Variants in SNRPN observed in about 807,000 individuals in gnomAD.
The protein encoded by SNRPN is small nuclear ribonucleoprotein polypeptide N, also known as small nuclear ribonucleoprotein-associated protein N.
SNRPN carries 7 observed loss-of-function variants against 25.2 expected under a neutral mutation model. The ratio of observed to expected loss-of-function variants is 0.28; its 90% CI spans 0.16 to 0.52. The LOEUF is 0.52. Among genes scored for constraint, SNRPN ranks in the 20% least tolerant of loss-of-function variants. The probability of loss-of-function intolerance (pLI) is 0.96; values close to 1 mark genes in which losing one functional copy is unlikely to be tolerated. For synonymous variants in SNRPN, 124 were observed against 110.6 expected (o/e 1.12, Z -0.76); for missense variants, 196 against 322.5 (o/e 0.61, Z 3.00).
intron 4 of SNRPN, chr15:24,975,096 A>G (rs928054325): frequency 4.7e-6 from 3 of 643,232 alleles, no homozygotes; most frequent in Middle Eastern, 2.5e-4. Flanking sequence ...GACAGTTTAG[A>G]GCATGCATCG....
chr15:24,966,565 T>C (rs1288361951), intron 2 of SNRPN, among the ~76,000 whole-genome samples: 3 of 152,168 alleles, frequency 2.0e-5, no homozygotes. Flanking sequence ...TTTGATCTTT[T>C]GTGGCCTGGT....
chr15:24,865,335 C>A (rs2054472769), intron 1 of SNRPN, among the ~76,000 whole-genome samples: 1 of 152,170 alleles, frequency 6.6e-6, no homozygotes, highest in Admixed American at 6.5e-5. Context: ...GTGTGAGCCA[C>A]CACGCCCAGC....
At chr15:24,946,704 A>T (rs548143564) in intron 3 of SNRPN, among the ~76,000 whole-genome samples, 28 of 152,374 alleles carry the variant, frequency 1.8e-4, no homozygotes, top group African/African-American at 6.7e-4. Context: ...TCCAAGGCTC[A>T]GGTGATCCCT....
chr15:24,921,844 A>G (rs1430769188), intron 3 of SNRPN, among the ~76,000 whole-genome samples: 2 of 152,244 alleles, frequency 1.3e-5, no homozygotes, highest in South Asian at 4.2e-4. Flanking sequence ...TTGAGTACTT[A>G]TTCTGTATCA....
At chr15:24,865,486 T>TA (rs2054490958) in intron 1 of SNRPN, among the ~76,000 whole-genome samples, 1 of 152,196 alleles carries the variant, frequency 6.6e-6, no homozygotes, top group African/African-American at 2.4e-5. Flanking sequence ...AGGAGAAAGT[T>TA]ACTGAAATCA....
At chr15:24,826,647 A>G (rs971304131) in intron 1 of SNRPN, among the ~76,000 whole-genome samples, 3 of 152,100 alleles carry the variant, frequency 2.0e-5, no homozygotes, top group African/African-American at 7.3e-5. Context: ...AGAAAAACCT[A>G]TGATTTAATG....
At chr15:24,935,309 G>T (rs1479596323) in intron 3 of SNRPN, among the ~76,000 whole-genome samples, 1 of 152,040 alleles carries the variant, frequency 6.6e-6, no homozygotes, top group African/African-American at 2.4e-5. Flanking sequence ...TAATAGGTGA[G>T]ATCATATGAA....
chr15:24,889,943 A>G (rs6576391), intron 2 of SNRPN, among the ~76,000 whole-genome samples: 86,067 of 150,530 alleles, frequency 0.57, 24,953 homozygotes, highest in East Asian at 0.67. Context: ...CCAGCTACTC[A>G]GGAGACTGAG....
intron 1 of SNRPN, among the ~76,000 whole-genome samples, chr15:24,957,593 T>C (rs1425021043): frequency 6.6e-6 from 1 of 152,218 alleles, no homozygotes; most frequent in Non-Finnish European, 1.5e-5. Context: ...CTATCATAAC[T>C]GGTATGTCTG....
At chr15:24,854,252 CAGTT>C (rs148976673), upstream of SNRPN, among the ~76,000 whole-genome samples, 5,212 of 152,258 alleles carry the variant, frequency 0.034, 211 homozygotes, top group African/African-American at 0.1. Context: ...GCTACAGTGG[CAGTT>C]AGTTTCCACT....
At chr15:24,879,246 G>A (rs534084750) in intron 1 of SNRPN, among the ~76,000 whole-genome samples, 17 of 152,104 alleles carry the variant, frequency 1.1e-4, no homozygotes, top group Non-Finnish European at 1.9e-4. Context: ...ACCAGCCTGG[G>A]CAACACGGTG....
At chr15:24,933,811 A>G (rs1304882660) in intron 3 of SNRPN, among the ~76,000 whole-genome samples, 1 of 152,210 alleles carries the variant, frequency 6.6e-6, no homozygotes, top group African/African-American at 2.4e-5. Flanking sequence ...TCATCAAGGC[A>G]GTCTTCTGGT....
At chr15:24,961,436 T>G (rs1020588831) in intron 1 of SNRPN, among the ~76,000 whole-genome samples, 3 of 152,190 alleles carry the variant, frequency 2.0e-5, no homozygotes, top group African/African-American at 7.2e-5. Context: ...TCTTTAAAGG[T>G]TCATAGGTGG....
intron 2 of SNRPN, chr15:24,910,798 C>T (rs1413921047): frequency 2.3e-6 from 1 of 429,704 alleles, no homozygotes; most frequent in African/African-American, 2.1e-5. Flanking sequence ...TGGCCAAAGA[C>T]TATTATTATC....
intron 3 of SNRPN, among the ~76,000 whole-genome samples, chr15:24,949,773 T>C (rs1227556540): frequency 6.6e-6 from 1 of 152,170 alleles, no homozygotes; most frequent in East Asian, 1.9e-4. Context: ...TTCCTTTTTA[T>C]AGCAGAATGA....
chr15:24,919,004 TATAAC>T (rs1398276067), intron 2 of SNRPN, among the ~76,000 whole-genome samples: 1 of 138,260 alleles, frequency 7.2e-6, no homozygotes, highest in African/African-American at 2.7e-5. Flanking sequence ...CGCATATATA[TATAAC>T]ATAATATATA....
chr15:24,939,047 A>G (rs1055734100), intron 3 of SNRPN, among the ~76,000 whole-genome samples: 5 of 152,220 alleles, frequency 3.3e-5, no homozygotes, highest in South Asian at 2.1e-4. Flanking sequence ...TATAGTTAAT[A>G]TAATTGGCTT....
chr15:24,970,782 C>T (rs2076300298), intron 3 of SNRPN, among the ~76,000 whole-genome samples: 1 of 152,128 alleles, frequency 6.6e-6, no homozygotes, highest in South Asian at 2.1e-4. Context: ...CCATTAGTTT[C>T]TCAGTACCAC....
upstream of SNRPN, chr15:24,954,944 CG>C: frequency 6.5e-7 from 1 of 1,530,018 alleles, no homozygotes; most frequent in South Asian, 1.2e-5. Flanking sequence ...CATGCTCAGG[CG>C]GGGATGTGTG....
Sources: gnomAD v4.1 joint callset for allele counts (sites outside exome capture counted in the v4.1 genomes callset) on GRCh38, gnomAD v4.1.1 for gene constraint, MANE v1.5 for transcripts, NCBI Gene and HGNC (gene_info 2026-07-23, HGNC 2026-07-21) for gene names.